The following UNC13C variants were observed in gnomAD, a reference collection of about 807,000 sequenced individuals.
UNC13C encodes the protein protein unc-13 homolog C.
In UNC13C, 174 loss-of-function variants were observed where a neutral mutation model predicts 245.4. That is an observed-to-expected ratio of 0.71 (90% confidence interval 0.63 to 0.80). The LOEUF (loss-of-function observed/expected upper bound fraction) is 0.80, where lower values mean the gene tolerates loss of function less well. Among genes scored for constraint, UNC13C ranks in the 30% least tolerant of loss-of-function variants. The pLI is 0.00. For missense variants in UNC13C, 2,829 were observed against 2,602.9 expected, an observed-to-expected ratio of 1.09 and a Z score of -1.89; for synonymous variants, 992 against 895.1, an observed-to-expected ratio of 1.11 and a Z score of -1.93.
chr15:54,525,518 C>T, intron 24 of UNC13C, 31 bp from the exon 25 acceptor site: 1 of 1,568,176 alleles, frequency 6.4e-7, no homozygotes, highest in Non-Finnish European at 8.7e-7. Context: ...CTCAAAACTC[C>T]AAAGTAATAT....
chr15:54,551,279 A>G (rs1896725218), intron 28 of UNC13C, among the ~76,000 whole-genome samples: 1 of 152,078 alleles, frequency 6.6e-6, no homozygotes, highest in South Asian at 2.1e-4. Context: ...TGAACTTCAA[A>G]TCTTGTAGAG....
chr15:54,201,599 C>T (rs551567441), intron 4 of UNC13C, among the ~76,000 whole-genome samples: 30 of 151,712 alleles, frequency 2.0e-4, no homozygotes, highest in Middle Eastern at 3.4e-3. Flanking sequence ...AAAAAGCATT[C>T]GATGAAATCT....
At chr15:54,170,451 C>G (rs1423505489) in intron 4 of UNC13C, among the ~76,000 whole-genome samples, 1 of 152,042 alleles carries the variant, frequency 6.6e-6, no homozygotes, top group Non-Finnish European at 1.5e-5. Flanking sequence ...AAGAGATGAT[C>G]TATATATTCT....
the UNC13C span, among the ~76,000 whole-genome samples, chr15:53,958,352 T>G: frequency 4.6e-5 from 7 of 152,192 alleles, no homozygotes; most frequent in Admixed American, 1.3e-4. Context: ...AGATCATTCT[T>G]TATCTCTTTG....
intron 30 of UNC13C, among the ~76,000 whole-genome samples, chr15:54,620,720 A>T (rs1257298228): frequency 6.6e-6 from 1 of 150,628 alleles, no homozygotes; most frequent in African/African-American, 2.4e-5. Flanking sequence ...CTACAAGTCG[A>T]GCCTAGAGTG....
At chr15:53,871,584 G>A in the UNC13C span, among the ~76,000 whole-genome samples, 5 of 152,286 alleles carry the variant, frequency 3.3e-5, no homozygotes, top group African/African-American at 1.2e-4. Context: ...AGCACAATGA[G>A]TGGCACAGAG....
At chr15:54,189,364 C>T (rs74019404) in intron 4 of UNC13C, among the ~76,000 whole-genome samples, 63,149 of 151,868 alleles carry the variant, frequency 0.42, 13,580 homozygotes, top group Non-Finnish European at 0.47. Context: ...TCTGATGGTA[C>T]GATTTTTTTT....
chr15:54,411,216 A>G (rs1309702506), intron 18 of UNC13C, among the ~76,000 whole-genome samples: 2 of 152,038 alleles, frequency 1.3e-5, no homozygotes, highest in African/African-American at 4.8e-5. Context: ...TTGAGATTTT[A>G]GTGTAATGTA....
rs182965226 is a variant in UNC13C at position 54,233,248 on chromosome 15, G to T, written c.3072-1782G>T. Reference sequence around the variant, plus strand: ...GCTATTTTATCATAGAATTAGTGGAGAAAGGGGTCTTTTAAATGTCACCTT... The same window carrying T: ...GCTATTTTATCATAGAATTAGTGGATAAAGGGGTCTTTTAAATGTCACCTT... On this transcript the variant is annotated intron_variant, in intron 4 of 32. Transcript: ENST00000260323. Among the ~76,000 whole-genome samples the T allele has an allele frequency of 2.0e-5, 3 of 152,274 alleles. No homozygotes were observed. In the East Asian group the frequency reaches 5.8e-4, roughly 29 times the overall value.
chr15:54,048,537 T>G, intron 2 of UNC13C: 1 of 526,228 alleles, frequency 1.9e-6, no homozygotes, highest in Non-Finnish European at 3.6e-6. Flanking sequence ...ATTTTTTGAC[T>G]CTTTAAATGG....
intron 2 of UNC13C, among the ~76,000 whole-genome samples, chr15:54,079,742 A>G (rs932106554): frequency 2.0e-5 from 3 of 152,070 alleles, no homozygotes. Flanking sequence ...TTATAGAATC[A>G]TGTCATCAGT....
chr15:53,954,944 C>T, the UNC13C span, among the ~76,000 whole-genome samples: 2 of 152,158 alleles, frequency 1.3e-5, no homozygotes, highest in Non-Finnish European at 2.9e-5. Context: ...ATGACCAAGG[C>T]ACCAGCATAT....
At chr15:54,369,202 A>C (rs555624909) in intron 17 of UNC13C, among the ~76,000 whole-genome samples, 3,493 of 86,552 alleles carry the variant, frequency 0.04, 153 homozygotes, top group African/African-American at 0.16. Flanking sequence ...CCCCCCCCCA[A>C]AAAAAAAAGT....
chr15:54,105,397 G>A (rs1381320798), intron 2 of UNC13C, among the ~76,000 whole-genome samples: 4 of 152,092 alleles, frequency 2.6e-5, no homozygotes, highest in African/African-American at 9.7e-5. Context: ...GCCTGTCAGG[G>A]TTCTTCTGAT....
chr15:54,220,156 C>T (rs1303519673), intron 4 of UNC13C, among the ~76,000 whole-genome samples: 87 of 151,090 alleles, frequency 5.8e-4, no homozygotes, highest in African/African-American at 1.8e-3. Context: ...TGTATGTTTA[C>T]TGCGGCACTA....
chr15:54,059,141 G>C (rs948151707), intron 2 of UNC13C, among the ~76,000 whole-genome samples: 3 of 152,084 alleles, frequency 2.0e-5, no homozygotes, highest in African/African-American at 7.2e-5. Context: ...AGAAATAAAG[G>C]GTGTTCAATT....
upstream of UNC13C, among the ~76,000 whole-genome samples, chr15:53,974,118 A>G (rs1412117757): frequency 6.6e-6 from 1 of 152,182 alleles, no homozygotes; most frequent in Non-Finnish European, 1.5e-5. Context: ...ATGTTTTGCA[A>G]GTTTTTAAAG....
Position 54,013,426 on chromosome 15 carries a change from G to A in UNC13C, c.523G>A (p.Gly175Ser), listed in dbSNP as rs371616367. ...CTCTGACGGGGAGCGTACTCTACAT[G>A]GCTTAAAACTGGGAGCTTTACGAAA... Reference protein sequence around the residue: ...GSSDGERTLHGLKLGALRKLR... With the variant: ...GSSDGERTLHSLKLGALRKLR... Residue 175 changes from glycine to serine, a missense_variant, in exon 2 of 33, where the codon GGC becomes AGC. Transcript: ENST00000260323. The A allele has an allele frequency of 5.6e-6, 9 of 1,613,674 alleles. No individual in the cohort carries two copies. The highest frequency in any genetic ancestry group is 6.8e-6 in the Non-Finnish European group (8 of 1,179,874).
At chr15:54,342,376 G>A (rs181717784) in intron 17 of UNC13C, among the ~76,000 whole-genome samples, 18 of 152,056 alleles carry the variant, frequency 1.2e-4, no homozygotes, top group Admixed American at 1.2e-3. Flanking sequence ...GGCAACCTGG[G>A]CAACATAGCA....
Sources: gnomAD v4.1 joint callset for allele counts (sites outside exome capture counted in the v4.1 genomes callset) on GRCh38, gnomAD v4.1.1 for gene constraint, MANE v1.5 for transcripts, NCBI Gene and HGNC (gene_info 2026-07-23, HGNC 2026-07-21) for gene names.